The following NUP62CL variants were observed in gnomAD, a reference collection of about 807,000 sequenced individuals.
NUP62CL encodes the protein nucleoporin 62 C-terminal like, also known as nucleoporin-62 C-terminal-like protein.
A neutral mutation model predicts 15.3 loss-of-function variants in NUP62CL; 13 were observed. The observed-to-expected ratio is 0.85, with a 90% CI of 0.55 to 1.35. NUP62CL has a LOEUF of 1.35. Ranked by LOEUF, NUP62CL falls within the 40% of genes most tolerant of loss-of-function variation. The pLI is 0.00. For missense variants in NUP62CL, 123 were observed against 130.6 expected, an observed-to-expected ratio of 0.94 and a Z score of 0.28; for synonymous variants, 54 against 49.2, an observed-to-expected ratio of 1.10 and a Z score of -0.41.
At chrX:107,132,831 ATTAAG>A (rs1166214593) in intron 8 of NUP62CL, among the ~76,000 whole-genome samples, 2 of 112,190 alleles carry the variant, frequency 1.8e-5, no homozygotes, top group Non-Finnish European at 3.8e-5. Context: ...TCGAGGTTTT[ATTAAG>A]TTAAGTATAT....
rs149158129 is a variant in NUP62CL, at chrX:107,201,641, T to G, written c.-92+4632A>C. ...CTGCTGACCAAAAAAAAAAAAATGC[T>G]GCAGGGCCAAGCACAGTGGCTCACA... On this transcript the variant is annotated intron_variant, in intron 1 of 8. Transcript: ENST00000372466. Among the ~76,000 whole-genome samples the G allele has an allele frequency of 9.0e-3, 979 of 108,698 alleles. 8 individuals are homozygous for G. The highest frequency in any genetic ancestry group is 0.031 in the African/African-American group (942 of 30,044). The allele number at this position is 108,698 out of a possible 115,157, so 94.4% of individuals were successfully genotyped here. A position where few individuals can be genotyped will look rare whatever the true frequency, so the allele number is the denominator to read the frequency against.
intron 2 of NUP62CL, among the ~76,000 whole-genome samples, chrX:107,180,913 C>CTTA (rs746540242): frequency 1.1e-4 from 9 of 85,162 alleles, no homozygotes; most frequent in Non-Finnish European, 2.1e-4. Flanking sequence ...TATGGTTTCG[C>CTTA]TTTTTTTTTT....
At chrX:107,176,030 G>A (rs1398724076) in intron 2 of NUP62CL, among the ~76,000 whole-genome samples, 1 of 111,522 alleles carries the variant, frequency 9.0e-6, no homozygotes, top group Non-Finnish European at 1.9e-5. Flanking sequence ...AGGTAAGCAA[G>A]AAGACCAGTG....
At chrX:107,170,156 GAA>G (rs369898411) in intron 3 of NUP62CL, among the ~76,000 whole-genome samples, 2 of 83,516 alleles carry the variant, frequency 2.4e-5, no homozygotes, top group African/African-American at 4.3e-5. Context: ...AAAAGAAAAA[GAA>G]AAAAAAAAAA....
At chrX:107,201,464 T>C (rs1198312008) in intron 1 of NUP62CL, among the ~76,000 whole-genome samples, 1 of 111,571 alleles carries the variant, frequency 9.0e-6, no homozygotes, top group East Asian at 2.8e-4. Context: ...ATTTGCATGA[T>C]TTATATGAAT....
intron 8 of NUP62CL, among the ~76,000 whole-genome samples, chrX:107,134,297 T>C (rs1290039148): frequency 8.9e-6 from 1 of 112,222 alleles, no homozygotes; most frequent in African/African-American, 3.2e-5. Flanking sequence ...TTGACCTGTG[T>C]AAAATTGCCA....
In NUP62CL at chrX:107,132,053, G is replaced by A. The variant is rs1214303895; in HGVS notation, c.*43-7721C>T. 3.7e-6 allele frequency: 4 copies of A among 1,077,593 alleles called. No individual in the cohort carries two copies. The African/African-American group carries it at 7.3e-5, about 20-fold the overall frequency. 88.8% of individuals were successfully genotyped at this position (1,077,593 alleles called of 1,213,427 possible). The stretch of plus-strand genomic sequence containing the variant: ...TTCTCCTATCGACCCAACATGATTT[G>A]TAGCTTTCTACATGAAAATGAAGAC... On this transcript the variant is annotated intron_variant, in intron 8 of 8. Transcript: ENST00000372466.
intron 1 of NUP62CL, among the ~76,000 whole-genome samples, chrX:107,198,709 A>C (rs995935991): frequency 1.8e-5 from 2 of 111,788 alleles, no homozygotes; most frequent in Non-Finnish European, 3.8e-5. Context: ...TGTAACACTC[A>C]CTGCAAAGGT....
At chrX:107,152,165 TATTCA>T in intron 7 of NUP62CL, among the ~76,000 whole-genome samples, 1 of 90,540 alleles carries the variant, frequency 1.1e-5, no homozygotes, top group East Asian at 3.5e-4. Flanking sequence ...TATATATATA[TATTCA>T]GATATATATA....
chrX:107,160,937 A>G (rs1249160762), intron 4 of NUP62CL, among the ~76,000 whole-genome samples: 1 of 109,696 alleles, frequency 9.1e-6, no homozygotes, highest in East Asian at 2.9e-4. Context: ...ATTTACAAGA[A>G]AAAAACAAAC....
intron 6 of NUP62CL, 61 bp from the exon 7 acceptor site, chrX:107,153,367 G>C: frequency 9.0e-7 from 1 of 1,107,110 alleles, no homozygotes; most frequent in South Asian, 2.1e-5. Context: ...AAAAAGAAAA[G>C]AGTTAACAAA....
chrX:107,146,949 G>T (rs1285587), intron 8 of NUP62CL, among the ~76,000 whole-genome samples: 5,643 of 111,176 alleles, frequency 0.051, 371 homozygotes, highest in African/African-American at 0.18. Flanking sequence ...TAGGTTCTAG[G>T]TGTGCTCATT....
chrX:107,187,423 A>G (rs1927088849), intron 2 of NUP62CL, among the ~76,000 whole-genome samples: 1 of 112,361 alleles, frequency 8.9e-6, no homozygotes, highest in African/African-American at 3.2e-5. Context: ...TTTGAGATGA[A>G]GTCTGGCTCT....
chrX:107,184,052 T>G (rs1392105671), intron 2 of NUP62CL, among the ~76,000 whole-genome samples: 1 of 109,408 alleles, frequency 9.1e-6, no homozygotes, highest in Non-Finnish European at 1.9e-5. Context: ...ACTGAAGTCC[T>G]ACTCCCATTC....
chrX:107,152,727 A>C (rs1256798470), intron 7 of NUP62CL, among the ~76,000 whole-genome samples: 1 of 111,982 alleles, frequency 8.9e-6, no homozygotes, highest in Non-Finnish European at 1.9e-5. Context: ...TTGCCTCCAG[A>C]TTAACAAATT....
At chrX:107,184,090 C>A (rs766439150) in intron 2 of NUP62CL, among the ~76,000 whole-genome samples, 3 of 109,382 alleles carry the variant, frequency 2.7e-5, no homozygotes, top group South Asian at 4.1e-4. Context: ...ACCTCCCCCC[C>A]CTCCACCAGA....
At chrX:107,189,931 AAGAAAGAAAGAAAG>A (rs1927194889) in intron 2 of NUP62CL, among the ~76,000 whole-genome samples, 1 of 107,540 alleles carries the variant, frequency 9.3e-6, no homozygotes, top group Non-Finnish European at 1.9e-5. Flanking sequence ...GAAAGAAAGA[AAGAAAGAAAGAAAG>A]AGAATCGATA....
chrX:107,177,740 A>T, intron 2 of NUP62CL, among the ~76,000 whole-genome samples: 1 of 111,524 alleles, frequency 9.0e-6, no homozygotes, highest in Non-Finnish European at 1.9e-5. Context: ...GTTGATGAGG[A>T]TCCTGTTGGA....
In NUP62CL at chrX:107,189,886, AAAG is replaced by A. The variant is rs1299550789; in HGVS notation, c.-48+3140_-48+3142del. On this transcript the variant is annotated intron_variant, in intron 2 of 8. Transcript: ENST00000372466. The stretch of plus-strand genomic sequence containing the variant: ...GGAAGGAAAAAGAAAGAAAAGAAAG[AAAG>A]AAAGAAAGAAAGAAAGAAAGAAAGA... Among the ~76,000 whole-genome samples, 346 of 63,005 alleles carry A rather than the reference AAAG, an allele frequency of 5.5e-3. 1 individual carries two copies. Among genetic ancestry groups the A allele is most frequent in the South Asian group, 0.012 (16 of 1,311 alleles). The allele number at this position is 63,005 out of a possible 115,157, so 54.7% of individuals were successfully genotyped here.
Sources: gnomAD v4.1 joint callset for allele counts (sites outside exome capture counted in the v4.1 genomes callset) on GRCh38, gnomAD v4.1.1 for gene constraint, MANE v1.5 for transcripts, NCBI Gene and HGNC (gene_info 2026-07-23, HGNC 2026-07-21) for gene names.